ANO2: variants seen among roughly 807,000 people sequenced by gnomAD.
ANO2 encodes the protein anoctamin-2.
Under a neutral mutation model 124.2 loss-of-function variants are expected in ANO2, and 101 were observed. That is an observed-to-expected ratio of 0.81 (90% CI 0.69 to 0.96). ANO2 has a LOEUF of 0.96. Ranked by LOEUF, ANO2 falls within the 40% of genes least tolerant of loss-of-function variation. The pLI, the probability that ANO2 is intolerant of heterozygous loss-of-function variation, is 0.00. For missense variants in ANO2, 1,293 were observed against 1,274.5 expected (o/e 1.01, Z -0.22); for synonymous variants, 486 against 482.5 (o/e 1.01, Z -0.09).
intron 14 of ANO2, among the ~76,000 whole-genome samples, chr12:5,718,402 C>T (rs556925115): frequency 6.6e-6 from 1 of 152,176 alleles, no homozygotes; most frequent in Non-Finnish European, 1.5e-5. Flanking sequence ...CAGGGGTGAA[C>T]AAGGGTTTGG....
At chr12:5,758,574 T>C (rs1039437197) in intron 10 of ANO2, among the ~76,000 whole-genome samples, 1 of 151,734 alleles carries the variant, frequency 6.6e-6, no homozygotes, top group Non-Finnish European at 1.5e-5. Context: ...AATCTGAGAG[T>C]GGTAAAGAAA....
At chr12:5,895,797 A>G (rs967865575) in intron 3 of ANO2, among the ~76,000 whole-genome samples, 2 of 143,864 alleles carry the variant, frequency 1.4e-5, no homozygotes, top group Admixed American at 6.9e-5. Flanking sequence ...TACCCAAAGG[A>G]AAAAAAAAAA....
chr12:5,566,411 C>A (rs866322805), intron 23 of ANO2, among the ~76,000 whole-genome samples: 2 of 152,198 alleles, frequency 1.3e-5, no homozygotes, highest in Admixed American at 1.3e-4. Flanking sequence ...TTTTCACCCC[C>A]ATCCCAGAAT....
chr12:5,875,492 C>A (rs1036499040), intron 3 of ANO2, among the ~76,000 whole-genome samples: 1 of 152,260 alleles, frequency 6.6e-6, no homozygotes, highest in Non-Finnish European at 1.5e-5. Flanking sequence ...TCTCCTCCCA[C>A]ACTAACCATC....
At chr12:5,815,952 A>G (rs1953594579) in intron 7 of ANO2, among the ~76,000 whole-genome samples, 1 of 152,192 alleles carries the variant, frequency 6.6e-6, no homozygotes, top group African/African-American at 2.4e-5. Flanking sequence ...CTAGATAAAC[A>G]GGAGTGTTTC....
At chr12:5,893,287 A>G (rs1003205296) in intron 3 of ANO2, among the ~76,000 whole-genome samples, 1 of 152,170 alleles carries the variant, frequency 6.6e-6, no homozygotes, top group Non-Finnish European at 1.5e-5. Flanking sequence ...ACAAATCATC[A>G]GCAGAGTAAA....
chr12:5,702,506 G>A (rs1211110815), intron 14 of ANO2, among the ~76,000 whole-genome samples: 1 of 148,626 alleles, frequency 6.7e-6, no homozygotes, highest in East Asian at 2.0e-4. Flanking sequence ...GAGCAAAAGA[G>A]AACAACAACT....
chr12:5,716,459 C>T (rs1950030701), intron 14 of ANO2, among the ~76,000 whole-genome samples: 1 of 152,158 alleles, frequency 6.6e-6, no homozygotes, highest in Non-Finnish European at 1.5e-5. Flanking sequence ...AATAACCCAG[C>T]TGGCAAAGAG....
At chr12:5,913,043 T>G (rs941784575) in intron 3 of ANO2, among the ~76,000 whole-genome samples, 2 of 151,918 alleles carry the variant, frequency 1.3e-5, no homozygotes, top group African/African-American at 4.8e-5. Context: ...GGCCTGGAGA[T>G]CCCCATCCCA....
At chr12:5,766,353 G>A (rs1951887796) in intron 10 of ANO2, among the ~76,000 whole-genome samples, 6 of 152,074 alleles carry the variant, frequency 3.9e-5, no homozygotes, top group Admixed American at 3.9e-4. Flanking sequence ...GTCACCCAAT[G>A]GAATATTATA....
chr12:5,758,739 C>A (rs1378479976), intron 10 of ANO2, among the ~76,000 whole-genome samples: 1 of 152,316 alleles, frequency 6.6e-6, no homozygotes, highest in East Asian at 1.9e-4. Context: ...ACTCTCCTCA[C>A]TACTGACCTG....
intron 3 of ANO2, among the ~76,000 whole-genome samples, chr12:5,879,222 A>G (rs1013724015): frequency 1.3e-5 from 2 of 151,782 alleles, no homozygotes; most frequent in South Asian, 2.1e-4. Flanking sequence ...TCTTCAAATC[A>G]TCAATAATCA....
intron 7 of ANO2, among the ~76,000 whole-genome samples, chr12:5,812,356 A>G (rs1290605654): frequency 7.8e-6 from 1 of 128,726 alleles, no homozygotes; most frequent in African/African-American, 3.0e-5. Context: ...AGGAAGGAGG[A>G]AGGAGAGAGA....
intron 14 of ANO2, among the ~76,000 whole-genome samples, chr12:5,709,650 T>C (rs1949738266): frequency 6.6e-6 from 1 of 152,238 alleles, no homozygotes; most frequent in African/African-American, 2.4e-5. Context: ...GCTCTTTAGG[T>C]TACCATACCC....
At chr12:5,690,584 G>A (rs1455325143) in intron 14 of ANO2, among the ~76,000 whole-genome samples, 1 of 152,196 alleles carries the variant, frequency 6.6e-6, no homozygotes, top group African/African-American at 2.4e-5. Context: ...TGGGGCAAGA[G>A]TTCCAAAGAG....
At chr12:5,621,449 G>A (rs1264214308) in intron 16 of ANO2, among the ~76,000 whole-genome samples, 1 of 152,210 alleles carries the variant, frequency 6.6e-6, no homozygotes, top group Non-Finnish European at 1.5e-5. Context: ...GCAGCCAGAA[G>A]ACTCAAACTC....
chr12:5,617,058 C>T (rs1301019140), intron 16 of ANO2, among the ~76,000 whole-genome samples: 1 of 151,062 alleles, frequency 6.6e-6, no homozygotes, highest in African/African-American at 2.4e-5. Context: ...AGTGTACCAC[C>T]TTCTCCAGAT....
At chr12:5,594,459 C>T (rs1943562480) in intron 20 of ANO2, among the ~76,000 whole-genome samples, 1 of 152,182 alleles carries the variant, frequency 6.6e-6, no homozygotes, top group African/African-American at 2.4e-5. Context: ...GCAAACCTGT[C>T]TGGTCTTCAG....
intron 3 of ANO2, among the ~76,000 whole-genome samples, chr12:5,907,997 A>G (rs772187366): frequency 1.1e-4 from 16 of 152,292 alleles, no homozygotes; most frequent in South Asian, 6.2e-4. Flanking sequence ...AACCTCCCCA[A>G]CTCCACAATG....
Sources: allele counts gnomAD v4.1 joint callset (sites outside exome capture counted in the v4.1 genomes callset), GRCh38; gene constraint gnomAD v4.1.1; transcripts MANE v1.5; gene names NCBI Gene and HGNC (gene_info 2026-07-23, HGNC 2026-07-21).